PDGFC: variants seen among roughly 807,000 people sequenced by gnomAD.
The protein encoded by PDGFC is platelet-derived growth factor C.
Under a neutral mutation model 35.5 loss-of-function variants are expected in PDGFC, and 12 were observed. The ratio of observed to expected loss-of-function variants is 0.34; its 90% CI spans 0.22 to 0.55. The LOEUF (loss-of-function observed/expected upper bound fraction) is 0.55, where lower values mean the gene tolerates loss of function less well. PDGFC is among the 20% of genes least tolerant of loss of function. The pLI, the probability that PDGFC is intolerant of heterozygous loss-of-function variation, is 0.91. For synonymous variants in PDGFC, 159 were observed against 148.8 expected (o/e 1.07, Z -0.50); for missense variants, 322 against 412.4 (o/e 0.78, Z 1.90).
chr4:156,762,971 G>C lies in PDGFC; in HGVS notation c.*119C>G. 1 of 631,024 alleles carries C rather than the reference G, an allele frequency of 1.6e-6. No homozygotes were observed. The highest frequency in any genetic ancestry group is 2.9e-6 in the Non-Finnish European group (1 of 339,090). The allele number at this position is 631,024 out of a possible 1,614,324, so 39.1% of individuals were successfully genotyped here. A position where few individuals can be genotyped will look rare whatever the true frequency, so the allele number is the denominator to read the frequency against. On this transcript the variant is annotated 3_prime_UTR_variant, in exon 6 of 6. Coordinates refer to ENST00000502773, the MANE Select transcript of PDGFC (RefSeq NM_016205.3). ...TTCAGAATGCACTGTAAATCCTGAA[G>C]ATGAAAGGTCCTTGAAGCAAACAAC... is the stretch of plus-strand genomic sequence containing the variant.
At chr4:156,921,893 C>T (rs1368974149) in intron 1 of PDGFC, among the ~76,000 whole-genome samples, 2 of 151,998 alleles carry the variant, frequency 1.3e-5, no homozygotes, top group Admixed American at 1.3e-4. Flanking sequence ...TTCACACTGA[C>T]AACACACACA....
intron 3 of PDGFC, among the ~76,000 whole-genome samples, chr4:156,792,215 A>C (rs1731317300): frequency 6.6e-6 from 1 of 152,212 alleles, no homozygotes; most frequent in Non-Finnish European, 1.5e-5. Context: ...TGATTAAATA[A>C]ATACTAATAT....
chr4:156,881,437 A>C (rs987617896), intron 1 of PDGFC, among the ~76,000 whole-genome samples: 1 of 152,160 alleles, frequency 6.6e-6, no homozygotes, highest in African/African-American at 2.4e-5. Flanking sequence ...TTCCCACCCA[A>C]ATCTCATCTT....
intron 1 of PDGFC, among the ~76,000 whole-genome samples, chr4:156,931,126 A>T (rs963066930): frequency 6.6e-6 from 1 of 152,178 alleles, no homozygotes; most frequent in African/African-American, 2.4e-5. Flanking sequence ...CTGACAAAAA[A>T]TTGTGAAAGC....
intron 1 of PDGFC, among the ~76,000 whole-genome samples, chr4:156,919,354 G>A (rs1480762125): frequency 1.3e-5 from 2 of 152,124 alleles, no homozygotes; most frequent in Admixed American, 6.5e-5. Flanking sequence ...AGAGAATTTG[G>A]TGATACAGAA....
intron 1 of PDGFC, among the ~76,000 whole-genome samples, chr4:156,946,986 C>A (rs1326280315): frequency 2.0e-5 from 3 of 151,956 alleles, no homozygotes; most frequent in African/African-American, 7.2e-5. Flanking sequence ...GTTAAGAAGG[C>A]TGGAAGCAGA....
At chr4:156,872,437 C>A (rs1292413068) in intron 1 of PDGFC, among the ~76,000 whole-genome samples, 1 of 152,142 alleles carries the variant, frequency 6.6e-6, no homozygotes, top group Non-Finnish European at 1.5e-5. Context: ...TGGAACACAC[C>A]ATTGACTCAA....
chr4:156,923,061 C>T (rs997724668), intron 1 of PDGFC, among the ~76,000 whole-genome samples: 1 of 152,278 alleles, frequency 6.6e-6, no homozygotes, highest in East Asian at 1.9e-4. Flanking sequence ...AATCAGATTG[C>T]TTTATTTCCA....
At chr4:156,912,352 C>T (rs1731058420) in intron 1 of PDGFC, among the ~76,000 whole-genome samples, 1 of 152,150 alleles carries the variant, frequency 6.6e-6, no homozygotes, top group South Asian at 2.1e-4. Flanking sequence ...TATCTAAGAA[C>T]TCAGTTCCTG....
chr4:156,931,390 C>T (rs1319982645), intron 1 of PDGFC, among the ~76,000 whole-genome samples: 1 of 152,146 alleles, frequency 6.6e-6, no homozygotes, highest in Non-Finnish European at 1.5e-5. Context: ...AGTCAAAGAT[C>T]CATGAAGGCT....
intron 4 of PDGFC, among the ~76,000 whole-genome samples, chr4:156,769,185 C>T (rs1730625471): frequency 6.6e-6 from 1 of 151,234 alleles, no homozygotes; most frequent in African/African-American, 2.4e-5. Flanking sequence ...ATGGATAACA[C>T]AGACATGAAT....
intron 1 of PDGFC, among the ~76,000 whole-genome samples, chr4:156,934,643 T>C (rs1363485624): frequency 2.0e-5 from 3 of 152,268 alleles, no homozygotes; most frequent in Non-Finnish European, 4.4e-5. Context: ...TTGACTCTTT[T>C]GCAATAACAT....
At chr4:156,913,997 C>T (rs1001768066) in intron 1 of PDGFC, among the ~76,000 whole-genome samples, 1 of 152,068 alleles carries the variant, frequency 6.6e-6, no homozygotes, top group African/African-American at 2.4e-5. Flanking sequence ...GTTTTATGCA[C>T]AAAAATTATG....
At chr4:156,897,350 A>ATGTGTGTGTGTGTGTGTGTGTGTGTG (rs70956698) in intron 1 of PDGFC, among the ~76,000 whole-genome samples, 1 of 142,986 alleles carries the variant, frequency 7.0e-6, no homozygotes, top group Non-Finnish European at 1.5e-5. Context: ...GTGAGAGTGT[A>ATGTGTGTGTGTGTGTGTGTGTGTGTG]TGTGTGTGTG....
chr4:156,872,969 T>C (rs760086625), intron 1 of PDGFC, among the ~76,000 whole-genome samples: 5 of 152,054 alleles, frequency 3.3e-5, no homozygotes, highest in Non-Finnish European at 5.9e-5. Context: ...ATTTCTACTG[T>C]AAATAAATAA....
At chr4:156,873,639 T>C (rs1447868602) in intron 1 of PDGFC, among the ~76,000 whole-genome samples, 1 of 152,120 alleles carries the variant, frequency 6.6e-6, no homozygotes, top group Non-Finnish European at 1.5e-5. Flanking sequence ...CAAAAGGATA[T>C]GGTTTGGTAA....
At chr4:156,837,879 T>C (rs1469623963) in intron 2 of PDGFC, among the ~76,000 whole-genome samples, 3 of 152,140 alleles carry the variant, frequency 2.0e-5, no homozygotes, top group African/African-American at 7.2e-5. Context: ...CATTTCAAAA[T>C]ATAAAACCAA....
Position 156,887,579 on chromosome 4 carries a change from G to A in PDGFC, c.119-37163C>T, listed in dbSNP as rs76566353. ...GAAAATGTAGGAGTCCAGGTTGATT[G>A]ATACCAGGAGAAGAATAATGTATAC... On this transcript the variant is annotated intron_variant, in intron 1 of 5. Transcript: ENST00000502773. Among the ~76,000 whole-genome samples the A allele has an allele frequency of 3.4e-3, 522 of 152,244 alleles. 3 individuals carry two copies. Among genetic ancestry groups the A allele is most frequent in the African/African-American group, 0.012 (479 of 41,526 alleles).
At chr4:156,939,277 T>C (rs1334495419) in intron 1 of PDGFC, among the ~76,000 whole-genome samples, 1 of 152,114 alleles carries the variant, frequency 6.6e-6, no homozygotes, top group Non-Finnish European at 1.5e-5. Context: ...TTACATTGTA[T>C]TATACAATAA....
Sources: allele counts gnomAD v4.1 joint callset (sites outside exome capture counted in the v4.1 genomes callset), GRCh38; gene constraint gnomAD v4.1.1; transcripts MANE v1.5; gene names NCBI Gene and HGNC (gene_info 2026-07-23, HGNC 2026-07-21).